LARS2: variants seen among roughly 807,000 people sequenced by gnomAD.
The protein encoded by LARS2 is leucyl-tRNA synthetase 2, mitochondrial.
In LARS2, 81 loss-of-function variants were observed where a neutral mutation model predicts 116.6. The ratio of observed to expected loss-of-function variants is 0.69; its 90% CI spans 0.58 to 0.84. The LOEUF is 0.84. LARS2 is among the 40% of genes least tolerant of loss of function. LARS2 has a pLI of 0.00. For missense variants in LARS2, 968 were observed against 1,114.5 expected (o/e 0.87, Z 1.87); for synonymous variants, 396 against 407.2 (o/e 0.97, Z 0.33).
chr3:45,536,374 G>A (rs952099593), intron 20 of LARS2, among the ~76,000 whole-genome samples: 5 of 152,222 alleles, frequency 3.3e-5, no homozygotes, highest in African/African-American at 1.2e-4. Flanking sequence ...CTCTCAAAGT[G>A]CTAGGATTAT....
At chr3:45,541,807 C>G in intron 20 of LARS2, 22 bp from the exon 21 acceptor site, 1 of 1,613,638 alleles carries the variant, frequency 6.2e-7, no homozygotes, top group South Asian at 1.1e-5. Flanking sequence ...TGACCCCACG[C>G]TTCTGTGCCT....
At chr3:45,473,575 G>T (rs1181153003) in intron 8 of LARS2, among the ~76,000 whole-genome samples, 1 of 151,640 alleles carries the variant, frequency 6.6e-6, no homozygotes, top group Admixed American at 6.6e-5. Flanking sequence ...GTAGAGACGG[G>T]GTTTCACCAT....
intron 20 of LARS2, among the ~76,000 whole-genome samples, chr3:45,534,089 C>G (rs1700663491): frequency 6.6e-6 from 1 of 152,194 alleles, no homozygotes; most frequent in Non-Finnish European, 1.5e-5. Context: ...GCAGTCCTCC[C>G]TGAAGTTTTA....
At chr3:45,503,990 G>A (rs1305369832) in intron 15 of LARS2, among the ~76,000 whole-genome samples, 1 of 151,982 alleles carries the variant, frequency 6.6e-6, no homozygotes, top group East Asian at 1.9e-4. Context: ...CATTTTAAAT[G>A]TTGCTTATAT....
intron 19 of LARS2, among the ~76,000 whole-genome samples, chr3:45,521,250 A>G (rs1342500741): frequency 1.3e-5 from 2 of 152,192 alleles, no homozygotes; most frequent in African/African-American, 4.8e-5. Context: ...GCATGCAGTG[A>G]GCCAAGATCA....
chr3:45,427,140 C>T (rs1414056749), intron 6 of LARS2, among the ~76,000 whole-genome samples: 1 of 152,176 alleles, frequency 6.6e-6, no homozygotes, highest in Non-Finnish European at 1.5e-5. Flanking sequence ...ATCAGGCCTC[C>T]AGATCAGTCT....
chr3:45,413,563 C>A (rs1259156290), intron 4 of LARS2, among the ~76,000 whole-genome samples: 2 of 152,206 alleles, frequency 1.3e-5, no homozygotes, highest in Non-Finnish European at 2.9e-5. Flanking sequence ...AGATTTAGGA[C>A]CTTTGCCCTC....
rs140914397 is a variant in LARS2, at chr3:45,499,207, C to T, written c.1623-1235C>T. On this transcript the variant is annotated intron_variant, in intron 14 of 21. Coordinates refer to ENST00000645846, the MANE Select transcript of LARS2 (RefSeq NM_015340.4). ...CTGTAGTCCCAGCACTTTGGGAGGC[C>T]GAGTTAGGCAGATCACCTGAGGTCA... 5.3e-3 allele frequency among the ~76,000 whole-genome samples: 805 copies of T among 152,168 alleles called. 7 individuals carry two copies. Among genetic ancestry groups the T allele is most frequent in the African/African-American group, 0.018 (743 of 41,518 alleles).
At chr3:45,529,774 C>G (rs1283209132) in intron 20 of LARS2, among the ~76,000 whole-genome samples, 1 of 152,172 alleles carries the variant, frequency 6.6e-6, no homozygotes, top group Admixed American at 6.5e-5. Flanking sequence ...ATGGACTTTT[C>G]AATCCCTTTG....
chr3:45,420,893 C>G (rs854204), intron 6 of LARS2, among the ~76,000 whole-genome samples: 1 of 152,066 alleles, frequency 6.6e-6, no homozygotes, highest in Non-Finnish European at 1.5e-5. Context: ...TTAGAACATA[C>G]AGAAAAGTAT....
chr3:45,500,930 C>A (rs892152268), intron 15 of LARS2, among the ~76,000 whole-genome samples: 1 of 151,956 alleles, frequency 6.6e-6, no homozygotes, highest in Admixed American at 6.6e-5. Flanking sequence ...GCTCTTGTTC[C>A]TAAGCTTGGC....
intron 14 of LARS2, among the ~76,000 whole-genome samples, chr3:45,499,915 A>G (rs1004440097): frequency 6.6e-5 from 10 of 152,120 alleles, no homozygotes; most frequent in Non-Finnish European, 1.5e-4. Context: ...TTATAATTTC[A>G]TAAATTAACA....
At chr3:45,526,575 A>C (rs1250051940) in intron 20 of LARS2, among the ~76,000 whole-genome samples, 1 of 152,124 alleles carries the variant, frequency 6.6e-6, no homozygotes, top group East Asian at 1.9e-4. Flanking sequence ...GACAAAACTA[A>C]CATAAAAGCA....
At chr3:45,397,136 A>G (rs1245265024) in intron 3 of LARS2, among the ~76,000 whole-genome samples, 2 of 152,352 alleles carry the variant, frequency 1.3e-5, no homozygotes, top group East Asian at 1.9e-4. Flanking sequence ...TCCTTTCCCT[A>G]TCATTTAAAT....
intron 2 of LARS2, among the ~76,000 whole-genome samples, chr3:45,392,340 C>T (rs562548408): frequency 1.2e-4 from 15 of 128,650 alleles, no homozygotes; most frequent in South Asian, 2.4e-4. Flanking sequence ...CTTGTTTTGT[C>T]GCCCAGGCTC....
intron 5 of LARS2, among the ~76,000 whole-genome samples, chr3:45,418,744 C>A (rs955747098): frequency 2.0e-5 from 3 of 152,258 alleles, no homozygotes; most frequent in Non-Finnish European, 2.9e-5. Context: ...GGTTTGCCAG[C>A]CTCTCTACTG....
chr3:45,535,366 AAG>A (rs1491534017), intron 20 of LARS2, among the ~76,000 whole-genome samples: 4,910 of 145,560 alleles, frequency 0.034, 229 homozygotes, highest in African/African-American at 0.11. Flanking sequence ...TAAAAAAAAA[AAG>A]AAAAGAAAAG....
chr3:45,496,308 G>C lies in LARS2; in HGVS notation c.1557G>C (p.Thr519=). 1 of 1,614,052 alleles carries C rather than the reference G, an allele frequency of 6.2e-7. No homozygotes were observed. Among genetic ancestry groups the C allele is most frequent in the Non-Finnish European group, 8.5e-7 (1 of 1,179,930 alleles). Residue 519 remains threonine (T), a synonymous_variant, in exon 14 of 22, where the codon ACG becomes ACC. Transcript: ENST00000645846. ...GAGCAGCCAAGAGAGAGACAGACAC[G>C]ATGGATACCTTTGTTGATTCTGCTT... ...CKGAAKRETD[T]MDTFVDSAWY...
intron 11 of LARS2, 83 bp from the exon 12 acceptor site, chr3:45,488,614 A>G (rs1459945542): frequency 1.2e-6 from 1 of 807,622 alleles, no homozygotes; most frequent in African/African-American, 1.7e-5. Context: ...TTAAGAAGCT[A>G]AACCTGGGTG....
Sources: allele counts gnomAD v4.1 joint callset (sites outside exome capture counted in the v4.1 genomes callset), GRCh38; gene constraint gnomAD v4.1.1; transcripts MANE v1.5; gene names NCBI Gene and HGNC (gene_info 2026-07-23, HGNC 2026-07-21).